Variants in RGS17 observed in about 807,000 individuals in gnomAD.
The protein encoded by RGS17 is regulator of G protein signaling 17, also known as regulator of G-protein signaling 17.
A neutral mutation model predicts 25.5 loss-of-function variants in RGS17; 12 were observed. The ratio of observed to expected loss-of-function variants is 0.47; its 90% CI spans 0.30 to 0.76. The LOEUF is 0.76. Ranked by LOEUF, RGS17 falls within the 30% of genes least tolerant of loss-of-function variation. The pLI is 0.07. For synonymous variants in RGS17, 71 were observed against 76.9 expected, an observed-to-expected ratio of 0.92 and a Z score of 0.40; for missense variants, 196 against 242.2, an observed-to-expected ratio of 0.81 and a Z score of 1.27.
intron 1 of RGS17, among the ~76,000 whole-genome samples, chr6:153,054,078 ACACACAATATTT>A (rs1562321623): frequency 1.1e-4 from 5 of 44,678 alleles, no homozygotes; most frequent in African/African-American, 1.7e-4. Flanking sequence ...ATATATATAT[ACACACAATATTT>A]TTTATATATA....
rs113931901 is a variant in RGS17 at position 153,104,823 on chromosome 6, C to CAA, written c.-26+26299_-26+26300dup. 4.8e-4 allele frequency among the ~76,000 whole-genome samples: 42 copies of CAA among 87,574 alleles called. 4 individuals carry two copies. Among genetic ancestry groups the CAA allele is most frequent in the Admixed American group, 4.0e-3 (31 of 7,672 alleles). The allele number at this position is 87,574 out of a possible 152,430, so 57.5% of individuals were successfully genotyped here. On this transcript the variant is annotated intron_variant, in intron 1 of 4. Coordinates refer to ENST00000206262, the MANE Select transcript of RGS17 (RefSeq NM_012419.5). The stretch of plus-strand genomic sequence containing the variant: ...GGGCTACAGAGCGAGACTCTTGTCT[C>CAA]AAAAAAAAAAAAAAGAAAAGAAAAG...
intron 2 of RGS17, among the ~76,000 whole-genome samples, chr6:153,041,740 T>A (rs1776323104): frequency 6.6e-6 from 1 of 152,242 alleles, no homozygotes; most frequent in Non-Finnish European, 1.5e-5. Context: ...ATATTGGTGA[T>A]GTTTTATACA....
At position 153,008,584 on chromosome 6, in the gene RGS17, A is replaced by C. The variant is rs1409105020; in HGVS notation, c.*2990T>G. ...TATATATACATAATCTGTATCCTCT[A>C]CTTTCTTTTATAGATACATCTAAAG... On this transcript the variant is annotated 3_prime_UTR_variant, in exon 5 of 5. Coordinates refer to ENST00000206262, the MANE Select transcript of RGS17 (RefSeq NM_012419.5). The C allele has an allele frequency of 6.6e-6, 1 of 152,172 alleles. No individual in the cohort carries two copies. The highest frequency in any genetic ancestry group is 1.9e-4 in the East Asian group (1 of 5,196). The allele number at this position is 152,172 out of a possible 1,614,324, so 9.4% of individuals were successfully genotyped here.
chr6:153,032,310 G>GT (rs1461051798), intron 2 of RGS17, among the ~76,000 whole-genome samples: 3 of 152,140 alleles, frequency 2.0e-5, no homozygotes, highest in Non-Finnish European at 4.4e-5. Context: ...GTCTGGAAAT[G>GT]TTATAAAACA....
At position 153,053,925 on chromosome 6, in the gene RGS17, GTATATATATGTATATATAA is replaced by G. The variant is rs1360525346; in HGVS notation, c.-25-9901_-25-9883del. Among the ~76,000 whole-genome samples the G allele has an allele frequency of 3.0e-4, 14 of 46,092 alleles. 3 individuals carry two copies. In the Admixed American group the frequency reaches 3.2e-3, roughly 11 times the overall value. The allele number at this position is 46,092 out of a possible 152,430, so 30.2% of individuals were successfully genotyped here. Reference sequence around the variant, plus strand: ...ATACATACACACATTATATATATATGTATATATATGTATATATAATATATATACATATATATTATATACA... The same window carrying G: ...ATACATACACACATTATATATATATGTATATATACATATATATTATATACA... On this transcript the variant is annotated intron_variant, in intron 1 of 4. Transcript: ENST00000206262.
At chr6:153,036,143 C>G (rs938044107) in intron 2 of RGS17, among the ~76,000 whole-genome samples, 3 of 152,124 alleles carry the variant, frequency 2.0e-5, no homozygotes, top group African/African-American at 7.2e-5. Flanking sequence ...AGCCTCAACT[C>G]TTGGGCTCAA....
At chr6:153,038,438 G>A (rs1237353430) in intron 2 of RGS17, among the ~76,000 whole-genome samples, 1 of 152,218 alleles carries the variant, frequency 6.6e-6, no homozygotes, top group African/African-American at 2.4e-5. Flanking sequence ...TGGCAAGATG[G>A]AGTTTCCCAA....
At chr6:153,025,281 C>T (rs1328073610) in intron 3 of RGS17, among the ~76,000 whole-genome samples, 1 of 151,908 alleles carries the variant, frequency 6.6e-6, no homozygotes, top group Non-Finnish European at 1.5e-5. Context: ...CATTGCACTC[C>T]TGGCTAGGCA....
At chr6:153,057,920 T>C (rs1027481402) in intron 1 of RGS17, among the ~76,000 whole-genome samples, 2 of 152,200 alleles carry the variant, frequency 1.3e-5, no homozygotes, top group Non-Finnish European at 2.9e-5. Context: ...GCTCAGGTAG[T>C]AAAGCTCGCT....
intron 4 of RGS17, among the ~76,000 whole-genome samples, chr6:153,015,815 G>A (rs988387245): frequency 1.3e-5 from 2 of 151,950 alleles, no homozygotes; most frequent in African/African-American, 2.4e-5. Flanking sequence ...CACCACGCCC[G>A]GCTAATTTTT....
intron 1 of RGS17, among the ~76,000 whole-genome samples, chr6:153,077,744 TATG>T (rs1562327965): frequency 6.6e-6 from 1 of 152,202 alleles, no homozygotes; most frequent in Non-Finnish European, 1.5e-5. Flanking sequence ...TACTTAGAAT[TATG>T]ATGAAATTAA....
chr6:153,070,993 A>G (rs894980880), intron 1 of RGS17, among the ~76,000 whole-genome samples: 1 of 150,636 alleles, frequency 6.6e-6, no homozygotes, highest in African/African-American at 2.4e-5. Context: ...ATGTGTGTAT[A>G]TATGTACATG....
At chr6:153,045,131 T>C (rs1003041077) in intron 1 of RGS17, among the ~76,000 whole-genome samples, 30 of 152,232 alleles carry the variant, frequency 2.0e-4, no homozygotes, top group African/African-American at 7.2e-4. Flanking sequence ...TAAAAAATAC[T>C]GCATTCTTGA....
intron 4 of RGS17, among the ~76,000 whole-genome samples, chr6:153,020,954 G>C (rs886270957): frequency 6.6e-6 from 1 of 152,094 alleles, no homozygotes; most frequent in Non-Finnish European, 1.5e-5. Context: ...TATGCCATTA[G>C]GTAGAGAGGA....
Position 153,008,271 on chromosome 6 carries a change from T to A in RGS17, c.*3303A>T, listed in dbSNP as rs925013306. The A allele has an allele frequency of 1.3e-5, 2 of 151,890 alleles. No individual in the cohort carries two copies. The highest frequency in any genetic ancestry group is 2.9e-5 in the Non-Finnish European group (2 of 67,992). The allele number at this position is 151,890 out of a possible 1,614,324, so 9.4% of individuals were successfully genotyped here. A position where few individuals can be genotyped will look rare whatever the true frequency, so the allele number is the denominator to read the frequency against. ...CAGCATTAAAGGATACTAATAAACA[T>A]CCATGCACTAAGACGGCATATCAGA... On this transcript the variant is annotated 3_prime_UTR_variant, in exon 5 of 5. Transcript: ENST00000206262.
At chr6:153,072,622 T>C (rs1247635181) in intron 1 of RGS17, among the ~76,000 whole-genome samples, 1 of 152,194 alleles carries the variant, frequency 6.6e-6, no homozygotes, top group Non-Finnish European at 1.5e-5. Flanking sequence ...CTAGGCAACA[T>C]GATCTAGCAC....
At chr6:153,110,399 T>G (rs1369069387) in intron 1 of RGS17, among the ~76,000 whole-genome samples, 1 of 147,980 alleles carries the variant, frequency 6.8e-6, no homozygotes, top group Admixed American at 6.8e-5. Flanking sequence ...CTTTAGGCAA[T>G]TTTGATGGAC....
chr6:153,023,590 T>C (rs1779268364), intron 4 of RGS17, among the ~76,000 whole-genome samples: 1 of 152,226 alleles, frequency 6.6e-6, no homozygotes, highest in Non-Finnish European at 1.5e-5. Flanking sequence ...ATTGATTAGG[T>C]ACATTTTGGC....
intron 1 of RGS17, among the ~76,000 whole-genome samples, chr6:153,060,560 T>C (rs896034252): frequency 6.6e-6 from 1 of 152,202 alleles, no homozygotes; most frequent in African/African-American, 2.4e-5. Context: ...TCATTCATCT[T>C]AGTACTCTTG....
Sources: gnomAD v4.1 joint callset for allele counts (sites outside exome capture counted in the v4.1 genomes callset) on GRCh38, gnomAD v4.1.1 for gene constraint, MANE v1.5 for transcripts, NCBI Gene and HGNC (gene_info 2026-07-23, HGNC 2026-07-21) for gene names.